LRP1B: variants seen among roughly 807,000 people sequenced by gnomAD.
The protein encoded by LRP1B is LDL receptor related protein 1B.
Under a neutral mutation model 556.6 loss-of-function variants are expected in LRP1B, and 217 were observed. The observed-to-expected ratio is 0.39, with a 90% confidence interval of 0.35 to 0.44. The LOEUF (loss-of-function observed/expected upper bound fraction) is 0.44, where lower values mean the gene tolerates loss of function less well. LRP1B is among the 20% of genes least tolerant of loss of function. The pLI, the probability that LRP1B is intolerant of heterozygous loss-of-function variation, is 1.00. For missense variants in LRP1B, 5,053 were observed against 5,620.8 expected, an observed-to-expected ratio of 0.90 and a Z score of 3.23; for synonymous variants, 2,047 against 1,865.8, an observed-to-expected ratio of 1.10 and a Z score of -2.50.
chr2:142,074,936 A>G (rs1169547715), intron 1 of LRP1B, among the ~76,000 whole-genome samples: 4 of 152,098 alleles, frequency 2.6e-5, no homozygotes, highest in Non-Finnish European at 5.9e-5. Flanking sequence ...TTTCTAAATC[A>G]CAATTCTTGT....
chr2:141,624,203 T>G (rs1688624439), intron 2 of LRP1B, among the ~76,000 whole-genome samples: 1 of 152,076 alleles, frequency 6.6e-6, no homozygotes, highest in Non-Finnish European at 1.5e-5. Flanking sequence ...GGGTACAAGT[T>G]GTTTTTTATT....
Position 141,614,080 on chromosome 2 carries a change from C to CAGA in LRP1B, c.206-133548_206-133547insTCT, listed in dbSNP as rs1553543025. On this transcript the variant is annotated intron_variant, in intron 2 of 90. Transcript: ENST00000389484. ...GGGCGATAAGAGCAAAACTCAGCCTCAAAAAAAAAAAAAAAAAAAAAGAAA... is the reference window on the plus strand; with the variant it reads ...GGGCGATAAGAGCAAAACTCAGCCTCAGAAAAAAAAAAAAAAAAAAAAAAGAAA... Among the ~76,000 whole-genome samples, 328 of 47,348 alleles carry CAGA rather than the reference C, an allele frequency of 6.9e-3. 2 individuals are homozygous for CAGA. The highest frequency in any genetic ancestry group is 0.026 in the Middle Eastern group (1 of 38). The allele number at this position is 47,348 out of a possible 152,430, so 31.1% of individuals were successfully genotyped here. A position where few individuals can be genotyped will look rare whatever the true frequency, so the allele number is the denominator to read the frequency against.
At chr2:140,555,259 A>G (rs1461255037) in intron 43 of LRP1B, among the ~76,000 whole-genome samples, 1 of 151,884 alleles carries the variant, frequency 6.6e-6, no homozygotes, top group Non-Finnish European at 1.5e-5. Context: ...TAGATGCTAG[A>G]TTACAAGTCA....
chr2:140,270,280 T>C lies in LRP1B; in HGVS notation c.13209A>G (p.Thr4403=), dbSNP rs373830128. 1.2e-6 allele frequency: 2 copies of C among 1,612,148 alleles called. No individual in the cohort carries two copies. The highest frequency in any genetic ancestry group is 1.7e-6 in the Non-Finnish European group (2 of 1,178,708). Residue 4403 remains threonine, a synonymous_variant, in exon 86 of 91, where the codon ACA becomes ACG. Coordinates refer to ENST00000389484, the MANE Select transcript of LRP1B (RefSeq NM_018557.3). ...CATTTGTCTCGGGGTCCAGCTGGCA[T>C]GTGCCACCATTGTAACAGTAGCCAT... ...LCDGYCYNGG[T]CQLDPETNVP... is the part of the protein sequence containing the mutation.
chr2:141,194,927 G>T (rs1681686962), intron 6 of LRP1B, among the ~76,000 whole-genome samples: 1 of 152,064 alleles, frequency 6.6e-6, no homozygotes, highest in Non-Finnish European at 1.5e-5. Context: ...TGCTTGTGAT[G>T]TGCATGTACT....
In LRP1B at chr2:140,982,286, T is replaced by G; in HGVS notation, c.2771-10A>C. 1 of 1,582,776 alleles carries G rather than the reference T, an allele frequency of 6.3e-7. No homozygotes were observed. Among genetic ancestry groups the G allele is most frequent in the Non-Finnish European group, 8.7e-7 (1 of 1,152,642 alleles). ...ACCTGGCATGTTCTGGCTATGATGA[T>G]CAATTAATAAACAAAAAATCAATTT... On this transcript the variant is annotated splice_polypyrimidine_tract_variant and intron_variant, in intron 17 of 90. Coordinates refer to ENST00000389484, the MANE Select transcript of LRP1B (RefSeq NM_018557.3).
At chr2:140,269,270 G>T (rs1190205303) in intron 86 of LRP1B, 2 of 470,896 alleles carry the variant, frequency 4.2e-6, no homozygotes, top group South Asian at 3.1e-5. Context: ...AAACCTACTT[G>T]CATCTCGGCT....
chr2:140,769,027 C>T (rs1229272474), intron 35 of LRP1B, among the ~76,000 whole-genome samples, 186 bp downstream of exon 35: 2 of 62,398 alleles, frequency 3.2e-5, no homozygotes, highest in African/African-American at 8.0e-5. Context: ...GACGATTTTA[C>T]TTGATTTTTT....
At chr2:141,230,768 C>T (rs933753699) in intron 5 of LRP1B, among the ~76,000 whole-genome samples, 2 of 152,178 alleles carry the variant, frequency 1.3e-5, no homozygotes, top group South Asian at 2.1e-4. Context: ...CTTACTTGCT[C>T]ACCTCTTTTA....
chr2:141,113,493 TTCTTA>T (rs1453637328), intron 7 of LRP1B, among the ~76,000 whole-genome samples: 1 of 152,184 alleles, frequency 6.6e-6, no homozygotes, highest in Non-Finnish European at 1.5e-5. Context: ...TTAAAATCTT[TTCTTA>T]AAGTTTGTAC....
At chr2:141,375,283 G>C (rs186411035) in intron 3 of LRP1B, among the ~76,000 whole-genome samples, 2 of 152,238 alleles carry the variant, frequency 1.3e-5, no homozygotes, top group Admixed American at 6.5e-5. Flanking sequence ...GGCTGAGTGT[G>C]CCTGTTTTTA....
chr2:140,834,333 G>A (rs1179620689), intron 31 of LRP1B, among the ~76,000 whole-genome samples: 1 of 152,174 alleles, frequency 6.6e-6, no homozygotes, highest in Non-Finnish European at 1.5e-5. Flanking sequence ...TCTGCCTGCT[G>A]AGTTCAAGCG....
intron 41 of LRP1B, among the ~76,000 whole-genome samples, chr2:140,673,001 C>T (rs1685541801): frequency 6.6e-6 from 1 of 152,178 alleles, no homozygotes. Context: ...AGTTGTCCAA[C>T]CATTCACTTT....
chr2:140,946,684 C>G (rs113662622), intron 20 of LRP1B, among the ~76,000 whole-genome samples: 2 of 151,982 alleles, frequency 1.3e-5, no homozygotes, highest in Non-Finnish European at 2.9e-5. Context: ...CGGTATATAC[C>G]AAAAGGAAAA....
chr2:140,499,352 G>A (rs1689082290), intron 55 of LRP1B, among the ~76,000 whole-genome samples: 1 of 151,632 alleles, frequency 6.6e-6, no homozygotes, highest in African/African-American at 2.4e-5. Flanking sequence ...TACCAAGTTT[G>A]TTATCATAGA....
chr2:140,798,199 A>G (rs1464469071), intron 32 of LRP1B, among the ~76,000 whole-genome samples: 1 of 152,168 alleles, frequency 6.6e-6, no homozygotes, highest in Non-Finnish European at 1.5e-5. Context: ...GTTTTCCTAG[A>G]ACCTAAGTAG....
At chr2:141,107,578 G>C (rs1410919305) in intron 7 of LRP1B, among the ~76,000 whole-genome samples, 2 of 152,092 alleles carry the variant, frequency 1.3e-5, no homozygotes, top group African/African-American at 4.8e-5. Context: ...CCCAGAAGGT[G>C]GAGGTTGCAG....
At chr2:141,193,463 G>T (rs559440445) in intron 6 of LRP1B, among the ~76,000 whole-genome samples, 1 of 151,942 alleles carries the variant, frequency 6.6e-6, no homozygotes, top group African/African-American at 2.4e-5. Context: ...GGAGCTGGAG[G>T]TTATTAGCAA....
intron 2 of LRP1B, among the ~76,000 whole-genome samples, chr2:141,527,587 A>G (rs1307860432): frequency 6.6e-6 from 1 of 152,120 alleles, no homozygotes; most frequent in Non-Finnish European, 1.5e-5. Context: ...TTAAGCAAAC[A>G]AACATTATTG....
Sources: allele counts gnomAD v4.1 joint callset (sites outside exome capture counted in the v4.1 genomes callset), GRCh38; gene constraint gnomAD v4.1.1; transcripts MANE v1.5; gene names NCBI Gene and HGNC (gene_info 2026-07-23, HGNC 2026-07-21).